The following ARPC3 variants were observed in gnomAD, a reference collection of about 807,000 sequenced individuals.
ARPC3 encodes the protein actin related protein 2/3 complex subunit 3.
ARPC3 carries 12 observed loss-of-function variants against 27.6 expected under a neutral mutation model. The observed-to-expected ratio is 0.43, with a 90% CI of 0.28 to 0.70. The LOEUF (loss-of-function observed/expected upper bound fraction) is 0.70. Among genes scored for constraint, ARPC3 ranks in the 30% least tolerant of loss-of-function variants. ARPC3 has a pLI of 0.17. For missense variants in ARPC3, 153 were observed against 207.7 expected (o/e 0.74, Z 1.62); for synonymous variants, 53 against 67.2 (o/e 0.79, Z 1.03).
chr12:110,448,642 C>T (rs1466334276), intron 1 of ARPC3, among the ~76,000 whole-genome samples: 1 of 146,018 alleles, frequency 6.8e-6, no homozygotes, highest in East Asian at 2.0e-4. Flanking sequence ...GACAGGGTCA[C>T]ACCCTGTCTC....
intron 3 of ARPC3, 135 bp from the exon 4 acceptor site, chr12:110,437,287 C>T (rs1470345755): frequency 1.4e-6 from 1 of 695,324 alleles, no homozygotes; most frequent in African/African-American, 1.8e-5. Context: ...TCAAAACTCC[C>T]ATTCTCCAAA....
intron 1 of ARPC3, among the ~76,000 whole-genome samples, chr12:110,450,009 A>AGG (rs1275385105): frequency 6.6e-6 from 1 of 150,518 alleles, no homozygotes; most frequent in Non-Finnish European, 1.5e-5. Flanking sequence ...GTAGACGGAG[A>AGG]GAGAAAAGGG....
Position 110,450,311 on chromosome 12 carries a change from G to A in ARPC3, c.-51C>T, listed in dbSNP as rs775757007. ...AGAGGAGCAGGATCCAGGTACAGCG[G>A]AGCGCTTCCGGTCTGGCAGCCTGGG... is the stretch of plus-strand genomic sequence containing the variant. On this transcript the variant is annotated 5_prime_UTR_variant, in exon 1 of 7. Coordinates refer to ENST00000228825, the MANE Select transcript of ARPC3 (RefSeq NM_001278556.2). 1.9e-6 allele frequency: 3 copies of A among 1,613,308 alleles called. No homozygotes were observed. Among genetic ancestry groups the A allele is most frequent in the Non-Finnish European group, 1.7e-6 (2 of 1,179,610 alleles).
chr12:110,437,241 T>C, intron 3 of ARPC3, 89 bp from the exon 4 acceptor site: 1 of 903,910 alleles, frequency 1.1e-6, no homozygotes, highest in Non-Finnish European at 1.8e-6. Context: ...CTTCTGATTA[T>C]CTGCTGAATG....
chr12:110,439,254 G>A lies in ARPC3; in HGVS notation c.183+1058C>T, dbSNP rs1427839218. 5.3e-5 allele frequency among the ~76,000 whole-genome samples: 8 copies of A among 151,944 alleles called. 1 individual carries two copies. The highest frequency in any genetic ancestry group is 3.9e-4 in the Admixed American group (6 of 15,244). On this transcript the variant is annotated intron_variant, in intron 3 of 6. Coordinates refer to ENST00000228825, the MANE Select transcript of ARPC3 (RefSeq NM_001278556.2). ...ACCCGCCTCAGCCTCCCAAGTGTTGGGATTACAGGCGTGAGCCACCATGCA... is the reference window on the plus strand; with the variant it reads ...ACCCGCCTCAGCCTCCCAAGTGTTGAGATTACAGGCGTGAGCCACCATGCA...
intron 3 of ARPC3, among the ~76,000 whole-genome samples, chr12:110,438,148 T>G (rs2062415852): frequency 1.3e-5 from 2 of 151,438 alleles, no homozygotes; most frequent in South Asian, 4.2e-4. Context: ...ATACAAAAAT[T>G]AGCCAGTCAT....
Position 110,440,304 on chromosome 12 carries a change from T to C in ARPC3, c.183+8A>G. ...ACTAAGTTAAATATTAAAAGCTCCG[T>C]AATTTACCTTAATTTCATAGTTTTT... On this transcript the variant is annotated splice_region_variant and intron_variant, in intron 3 of 6. Coordinates refer to ENST00000228825, the MANE Select transcript of ARPC3 (RefSeq NM_001278556.2). 6.3e-7 allele frequency: 1 copy of C among 1,580,288 alleles called. No homozygotes were observed. The highest frequency in any genetic ancestry group is 8.7e-7 in the Non-Finnish European group (1 of 1,149,950).
At chr12:110,438,031 T>C (rs1221267778) in intron 3 of ARPC3, among the ~76,000 whole-genome samples, 1 of 152,018 alleles carries the variant, frequency 6.6e-6, no homozygotes, top group Non-Finnish European at 1.5e-5. Flanking sequence ...TGCAGTGGCT[T>C]ATGCCTGTAA....
chr12:110,442,250 C>T (rs939859527), intron 2 of ARPC3, among the ~76,000 whole-genome samples: 3 of 152,118 alleles, frequency 2.0e-5, no homozygotes, highest in Non-Finnish European at 4.4e-5. Flanking sequence ...TTATTCAAGA[C>T]GTCTCTCAAT....
At chr12:110,442,383 G>C (rs2062442453) in intron 2 of ARPC3, among the ~76,000 whole-genome samples, 1 of 152,144 alleles carries the variant, frequency 6.6e-6, no homozygotes, top group African/African-American at 2.4e-5. Flanking sequence ...TGAGGCGGAT[G>C]GATTGCCTGA....
At chr12:110,439,963 C>T (rs955831553) in intron 3 of ARPC3, among the ~76,000 whole-genome samples, 1 of 152,110 alleles carries the variant, frequency 6.6e-6, no homozygotes, top group African/African-American at 2.4e-5. Context: ...TTTTGTGGGC[C>T]ATACAGTCTT....
intron 1 of ARPC3, among the ~76,000 whole-genome samples, chr12:110,448,667 T>G (rs2062479062): frequency 1.4e-5 from 2 of 142,748 alleles, no homozygotes; most frequent in Admixed American, 7.0e-5. Flanking sequence ...AAAAAAAAAA[T>G]GTATTTGCAA....
intron 2 of ARPC3, among the ~76,000 whole-genome samples, chr12:110,443,418 G>A (rs1311235158): frequency 2.6e-5 from 4 of 151,012 alleles, no homozygotes; most frequent in East Asian, 3.9e-4. Context: ...GAGCCACCGC[G>A]CCACGCCCTA....
rs368345881 is a variant in ARPC3 at position 110,435,967 on chromosome 12, A to G, written c.474+143T>C. On this transcript the variant is annotated intron_variant, in intron 6 of 6. Transcript: ENST00000228825. ...GTGTGATTCAGTGAACTCATATTAC[A>G]TACTAGACATATACTGGAAGTTAAG... The G allele has an allele frequency of 2.2e-4, 173 of 770,226 alleles. 1 individual carries two copies. The South Asian group carries it at 2.3e-3, about 10-fold the overall frequency. 47.7% of individuals were successfully genotyped at this position (770,226 alleles called of 1,614,324 possible).
At chr12:110,447,944 A>AG (rs1165626051) in intron 1 of ARPC3, among the ~76,000 whole-genome samples, 7 of 137,676 alleles carry the variant, frequency 5.1e-5, no homozygotes, top group Non-Finnish European at 1.1e-4. Flanking sequence ...GTACAGTGGC[A>AG]GGATCACAGC....
intron 2 of ARPC3, among the ~76,000 whole-genome samples, chr12:110,440,682 G>A (rs1474752713): frequency 1.3e-5 from 2 of 150,688 alleles, no homozygotes; most frequent in African/African-American, 2.4e-5. Flanking sequence ...GAGTAGCTGG[G>A]GCTACAGGCA....
Position 110,437,157 on chromosome 12 carries a change from A to G in ARPC3, c.184-5T>C, listed in dbSNP as rs2062410933. ...CAAGGTCCTATCAGCTTCATTCTAC[A>G]GGGAGAAAAAGAAGACTTAAAAACA... On this transcript the variant is annotated splice_region_variant and splice_polypyrimidine_tract_variant and intron_variant, in intron 3 of 6. Transcript: ENST00000228825. 3.8e-6 allele frequency: 6 copies of G among 1,566,516 alleles called. No individual in the cohort carries two copies. The highest frequency in any genetic ancestry group is 1.4e-5 in the African/African-American group (1 of 73,890).
intron 4 of ARPC3, 33 bp from the exon 5 acceptor site, chr12:110,436,716 A>ACC: frequency 1.4e-6 from 1 of 696,896 alleles, no homozygotes; most frequent in Non-Finnish European, 2.2e-6. Flanking sequence ...ATATATACAC[A>ACC]CACACACACA....
chr12:110,439,553 C>A (rs115292931), intron 3 of ARPC3, among the ~76,000 whole-genome samples: 4,940 of 152,238 alleles, frequency 0.032, 275 homozygotes, highest in African/African-American at 0.11. Context: ...CATTTTAGGG[C>A]CGGGAGCGGT....
Sources: allele counts gnomAD v4.1 joint callset (sites outside exome capture counted in the v4.1 genomes callset), GRCh38; gene constraint gnomAD v4.1.1; transcripts MANE v1.5; gene names NCBI Gene and HGNC (gene_info 2026-07-23, HGNC 2026-07-21).